The following ABCC4 variants were observed in gnomAD, a reference collection of about 807,000 sequenced individuals.
The protein encoded by ABCC4 is ATP binding cassette subfamily C member 4 (PEL blood group), also known as ATP-binding cassette sub-family C member 4.
Under a neutral mutation model 168.5 loss-of-function variants are expected in ABCC4, and 102 were observed. The observed-to-expected ratio is 0.61, with a 90% CI of 0.52 to 0.71. The LOEUF (loss-of-function observed/expected upper bound fraction) is 0.71. Among genes scored for constraint, ABCC4 ranks in the 30% least tolerant of loss-of-function variants. The pLI is 0.00. For missense variants in ABCC4, 1,402 were observed against 1,605.8 expected, an observed-to-expected ratio of 0.87 and a Z score of 2.17; for synonymous variants, 617 against 590.7, an observed-to-expected ratio of 1.04 and a Z score of -0.65.
chr13:95,136,180 TAG>T (rs2036137749), intron 19 of ABCC4, among the ~76,000 whole-genome samples: 1 of 152,116 alleles, frequency 6.6e-6, no homozygotes, highest in African/African-American at 2.4e-5. Flanking sequence ...TTTATTTATT[TAG>T]TGTTTTGAGA....
chr13:95,206,525 C>T lies in ABCC4; in HGVS notation c.1161+7G>A. 6.2e-7 allele frequency: 1 copy of T among 1,611,652 alleles called. No individual in the cohort carries two copies. The highest frequency in any genetic ancestry group is 1.1e-5 in the South Asian group (1 of 91,032). On this transcript the variant is annotated splice_region_variant and intron_variant, in intron 8 of 30. Coordinates refer to ENST00000645237, the MANE Select transcript of ABCC4 (RefSeq NM_005845.5). Reference sequence around the variant, plus strand: ...CCTACAACTTTAAAATGGCATCTGACACCAACCTGGATTCTTCGGATGCTG... The same window carrying T: ...CCTACAACTTTAAAATGGCATCTGATACCAACCTGGATTCTTCGGATGCTG...
chr13:95,058,320 C>T (rs2033140338), intron 26 of ABCC4, among the ~76,000 whole-genome samples: 1 of 151,852 alleles, frequency 6.6e-6, no homozygotes, highest in Non-Finnish European at 1.5e-5. Context: ...GAAAAACAAA[C>T]AGTACTTTGG....
intron 30 of ABCC4, among the ~76,000 whole-genome samples, chr13:95,034,234 A>G (rs544632758): frequency 1.3e-5 from 2 of 152,346 alleles, no homozygotes; most frequent in East Asian, 3.9e-4. Context: ...TTGCCTATCA[A>G]TAAGAATGAA....
intron 30 of ABCC4, among the ~76,000 whole-genome samples, chr13:95,025,307 ACC>A (rs1325865446): frequency 2.1e-3 from 16 of 7,620 alleles, no homozygotes; most frequent in East Asian, 0.01. Context: ...ACATACGCCC[ACC>A]CCCCACACAC....
At chr13:95,197,153 T>C (rs570738318) in intron 8 of ABCC4, among the ~76,000 whole-genome samples, 1 of 152,296 alleles carries the variant, frequency 6.6e-6, no homozygotes, top group African/African-American at 2.4e-5. Context: ...CTCACCTGCA[T>C]GAACACTGCA....
intron 13 of ABCC4, among the ~76,000 whole-genome samples, chr13:95,170,896 A>T (rs1471849313): frequency 6.6e-6 from 1 of 152,152 alleles, no homozygotes; most frequent in Non-Finnish European, 1.5e-5. Flanking sequence ...ACTTAGTTTA[A>T]CATAGACATT....
intron 19 of ABCC4, among the ~76,000 whole-genome samples, chr13:95,147,303 C>A (rs1566463978): frequency 6.6e-6 from 1 of 152,184 alleles, no homozygotes; most frequent in Non-Finnish European, 1.5e-5. Context: ...AGTGCAGTAA[C>A]AGGAGTTATC....
chr13:95,289,913 A>G (rs1050021796), intron 1 of ABCC4, among the ~76,000 whole-genome samples: 5 of 152,096 alleles, frequency 3.3e-5, no homozygotes, highest in Admixed American at 6.6e-5. Context: ...CCTGGCCAAC[A>G]TGGAGAAACC....
intron 9 of ABCC4, among the ~76,000 whole-genome samples, chr13:95,190,435 G>C (rs1038933247): frequency 6.6e-6 from 1 of 152,228 alleles, no homozygotes; most frequent in Non-Finnish European, 1.5e-5. Context: ...AGAGGATTAA[G>C]TGTGTATCAG....
intron 4 of ABCC4, among the ~76,000 whole-genome samples, chr13:95,230,069 G>A (rs1220640845): frequency 5.9e-5 from 9 of 152,192 alleles, no homozygotes; most frequent in Admixed American, 5.2e-4. Context: ...TGTGACTGAC[G>A]ACATTCTAAC....
chr13:95,097,434 A>G (rs1360797099), intron 20 of ABCC4, among the ~76,000 whole-genome samples: 1 of 150,196 alleles, frequency 6.7e-6, no homozygotes, highest in Non-Finnish European at 1.5e-5. Context: ...CTGTAAATAC[A>G]GAGAGAGAGA....
chr13:95,157,476 C>T (rs1199821734), intron 19 of ABCC4, among the ~76,000 whole-genome samples: 2 of 148,596 alleles, frequency 1.3e-5, no homozygotes, highest in Non-Finnish European at 3.0e-5. Context: ...GACTGGGCAA[C>T]AGAGCAGGAA....
intron 1 of ABCC4, among the ~76,000 whole-genome samples, chr13:95,249,716 C>T (rs192634297): frequency 6.1e-4 from 93 of 152,228 alleles, no homozygotes; most frequent in South Asian, 1.9e-3. Flanking sequence ...TCCAGCAGAA[C>T]CTCATACAGT....
chr13:95,296,172 ACACACAC>A (rs2041528695), intron 1 of ABCC4, among the ~76,000 whole-genome samples: 4 of 107,024 alleles, frequency 3.7e-5, no homozygotes, highest in African/African-American at 1.3e-4. Context: ...ACACACACAC[ACACACAC>A]ACACAAAAAC....
At chr13:95,145,612 T>A (rs1192488246) in intron 19 of ABCC4, among the ~76,000 whole-genome samples, 5 of 129,676 alleles carry the variant, frequency 3.9e-5, no homozygotes, top group Non-Finnish European at 6.4e-5. Context: ...GGAGACCCCA[T>A]CTCCAAAAAA....
At chr13:95,138,300 T>C (rs2036203545) in intron 19 of ABCC4, among the ~76,000 whole-genome samples, 1 of 152,234 alleles carries the variant, frequency 6.6e-6, no homozygotes, top group African/African-American at 2.4e-5. Flanking sequence ...CATGTCCTTA[T>C]GCAATAATTT....
At chr13:95,139,124 G>A (rs925754635) in intron 19 of ABCC4, among the ~76,000 whole-genome samples, 1 of 152,228 alleles carries the variant, frequency 6.6e-6, no homozygotes, top group Non-Finnish European at 1.5e-5. Flanking sequence ...TCTTGGCCTA[G>A]CTCCAAACAC....
At chr13:95,094,401 A>T (rs547838391) in intron 20 of ABCC4, among the ~76,000 whole-genome samples, 6 of 152,318 alleles carry the variant, frequency 3.9e-5, no homozygotes, top group Non-Finnish European at 7.4e-5. Flanking sequence ...CAAAGCAAAC[A>T]AAATCATAAA....
intron 29 of ABCC4, among the ~76,000 whole-genome samples, chr13:95,035,778 G>C (rs1260368692): frequency 6.6e-6 from 1 of 152,160 alleles, no homozygotes; most frequent in East Asian, 1.9e-4. Context: ...TAGGAAAACA[G>C]TTCTGAGGTT....
Sources: gnomAD v4.1 joint callset for allele counts (sites outside exome capture counted in the v4.1 genomes callset) on GRCh38, gnomAD v4.1.1 for gene constraint, MANE v1.5 for transcripts, NCBI Gene and HGNC (gene_info 2026-07-23, HGNC 2026-07-21) for gene names.